Variants in CAP2 observed in about 807,000 individuals in gnomAD.
CAP2 encodes adenylyl cyclase-associated protein 2.
CAP2 carries 24 observed loss-of-function variants against 57.7 expected under a neutral mutation model. That is an observed-to-expected ratio of 0.42 (90% confidence interval 0.30 to 0.58). The LOEUF is 0.58. Ranked by LOEUF, CAP2 falls within the 20% of genes least tolerant of loss-of-function variation. The pLI, the probability that CAP2 is intolerant of heterozygous loss-of-function variation, is 0.22. For missense variants in CAP2, 501 were observed against 590.3 expected, an observed-to-expected ratio of 0.85 and a Z score of 1.57; for synonymous variants, 194 against 207.2, an observed-to-expected ratio of 0.94 and a Z score of 0.55.
chr6:17,465,783 T>C (rs1760848896), intron 4 of CAP2, among the ~76,000 whole-genome samples: 1 of 152,176 alleles, frequency 6.6e-6, no homozygotes, highest in Non-Finnish European at 1.5e-5. Context: ...GTGTAATTTA[T>C]ATAGCATTTT....
At chr6:17,472,669 G>A (rs1269841237) in intron 4 of CAP2, among the ~76,000 whole-genome samples, 1 of 152,150 alleles carries the variant, frequency 6.6e-6, no homozygotes, top group Admixed American at 6.5e-5. Context: ...GACGGCTACT[G>A]CCCGTGCTGG....
chr6:17,436,361 G>A (rs1294701080), intron 3 of CAP2, among the ~76,000 whole-genome samples: 2 of 152,118 alleles, frequency 1.3e-5, no homozygotes, highest in Admixed American at 1.3e-4. Context: ...TTGAACTCCT[G>A]ACTTCAAGTG....
At position 17,556,895 on chromosome 6, in the gene CAP2, G is replaced by GT. The variant is rs1354187751; in HGVS notation, c.*459dup. On this transcript the variant is annotated 3_prime_UTR_variant, in exon 13 of 13. Transcript: ENST00000229922. ...GTAGTGTGCCCTGAAAAATGTACACGTTTTTTCTTATTGTTACCACATGTT... is the reference window on the plus strand; with the variant it reads ...GTAGTGTGCCCTGAAAAATGTACACGTTTTTTTCTTATTGTTACCACATGTT... 1 of 159,362 alleles carries GT rather than the reference G, an allele frequency of 6.3e-6. No individual in the cohort carries two copies. The highest frequency in any genetic ancestry group is 1.8e-4 in the East Asian group (1 of 5,550). The allele number at this position is 159,362 out of a possible 1,614,324, so 9.9% of individuals were successfully genotyped here. A position where few individuals can be genotyped will look rare whatever the true frequency, so the allele number is the denominator to read the frequency against.
At chr6:17,440,174 C>T (rs1251439581) in intron 3 of CAP2, among the ~76,000 whole-genome samples, 1 of 151,630 alleles carries the variant, frequency 6.6e-6, no homozygotes, top group East Asian at 1.9e-4. Context: ...TCCATTGATT[C>T]AAGTCCACTT....
intron 3 of CAP2, among the ~76,000 whole-genome samples, chr6:17,440,418 A>T (rs570198856): frequency 6.6e-6 from 1 of 151,732 alleles, no homozygotes; most frequent in African/African-American, 2.4e-5. Flanking sequence ...TCAGTTGATT[A>T]TTCAGCACTT....
At chr6:17,454,980 A>G (rs59626094) in intron 3 of CAP2, among the ~76,000 whole-genome samples, 17,441 of 152,102 alleles carry the variant, frequency 0.11, 3,267 homozygotes, top group African/African-American at 0.39. Flanking sequence ...GTATGAGTGC[A>G]TGGTTTTGTT....
intron 3 of CAP2, among the ~76,000 whole-genome samples, chr6:17,432,689 C>T (rs1759767422): frequency 6.6e-6 from 1 of 151,660 alleles, no homozygotes; most frequent in Non-Finnish European, 1.5e-5. Context: ...ATTTAAAAGT[C>T]ATCTATTCCA....
chr6:17,535,384 C>T (rs1762750428), intron 7 of CAP2, among the ~76,000 whole-genome samples: 1 of 151,580 alleles, frequency 6.6e-6, no homozygotes, highest in Non-Finnish European at 1.5e-5. Context: ...AAGCGATTCT[C>T]CTGCCTCAGC....
chr6:17,538,278 C>T (rs961997872), intron 7 of CAP2, among the ~76,000 whole-genome samples: 4 of 150,554 alleles, frequency 2.7e-5, no homozygotes, highest in Non-Finnish European at 4.4e-5. Context: ...AGTGAGACCT[C>T]ATCTCTCAAA....
At chr6:17,423,191 C>T (rs999256292) in intron 2 of CAP2, among the ~76,000 whole-genome samples, 6 of 152,116 alleles carry the variant, frequency 3.9e-5, no homozygotes, top group Admixed American at 1.3e-4. Flanking sequence ...GAATTTCAGG[C>T]GAATTTGGAC....
chr6:17,519,567 G>A (rs1762346067), intron 7 of CAP2, among the ~76,000 whole-genome samples: 1 of 152,102 alleles, frequency 6.6e-6, no homozygotes, highest in Non-Finnish European at 1.5e-5. Flanking sequence ...ATATGAGTTT[G>A]TGTCATTTCC....
rs545149490 is a variant in CAP2, at chr6:17,470,108, C to G, written c.300+7035C>G. On this transcript the variant is annotated intron_variant, in intron 4 of 12. Transcript: ENST00000229922. ...GAATTTCACATTTTCTACTCATTAG[C>G]TCTGCTAATCCAAATGCGAGAAAAA... Among the ~76,000 whole-genome samples the G allele has an allele frequency of 3.9e-5, 6 of 152,240 alleles. No individual in the cohort carries two copies. In the South Asian group the frequency reaches 1.0e-3, roughly 26 times the overall value.
intron 4 of CAP2, among the ~76,000 whole-genome samples, chr6:17,482,827 A>G (rs993321420): frequency 2.6e-5 from 4 of 152,234 alleles, no homozygotes; most frequent in Admixed American, 2.6e-4. Context: ...TTTCCAAATA[A>G]GGTCACATTC....
chr6:17,541,350 T>A (rs940054341), intron 9 of CAP2, among the ~76,000 whole-genome samples: 27 of 152,016 alleles, frequency 1.8e-4, no homozygotes, highest in Non-Finnish European at 2.8e-4. Flanking sequence ...GGGTTTGAGG[T>A]GGGAGGATCA....
chr6:17,457,414 T>C (rs1229762628), intron 3 of CAP2, among the ~76,000 whole-genome samples: 1 of 152,224 alleles, frequency 6.6e-6, no homozygotes, highest in African/African-American at 2.4e-5. Context: ...AAATTGCTCC[T>C]AAATAGGATG....
At position 17,507,978 on chromosome 6, in the gene CAP2, A is replaced by G. The variant is rs144976688; in HGVS notation, c.530+252A>G. On this transcript the variant is annotated intron_variant, in intron 6 of 12. Coordinates refer to ENST00000229922, the MANE Select transcript of CAP2 (RefSeq NM_006366.3). The stretch of plus-strand genomic sequence containing the variant: ...GAATAAACTCTCCCCACTTGAATGC[A>G]TGTCACTATCTTATGTATTCCCACA... 3.7e-3 allele frequency among the ~76,000 whole-genome samples: 563 copies of G among 152,338 alleles called. 4 individuals are homozygous for G. The highest frequency in any genetic ancestry group is 7.8e-3 in the Admixed American group (120 of 15,298).
intron 12 of CAP2, among the ~76,000 whole-genome samples, chr6:17,554,617 A>G (rs1763250392): frequency 6.6e-6 from 1 of 152,242 alleles, no homozygotes; most frequent in African/African-American, 2.4e-5. Flanking sequence ...TGGATCCTAC[A>G]TCTAGGAAGA....
intron 10 of CAP2, 38 bp downstream of exon 10, chr6:17,542,998 T>A (rs758728011): frequency 6.2e-7 from 1 of 1,612,930 alleles, no homozygotes; most frequent in Non-Finnish European, 8.5e-7. Flanking sequence ...ATTATGATGT[T>A]TTATAAACAA....
At chr6:17,433,517 AG>A (rs1331312153) in intron 3 of CAP2, among the ~76,000 whole-genome samples, 4 of 152,198 alleles carry the variant, frequency 2.6e-5, no homozygotes, top group Admixed American at 6.5e-5. Context: ...GACCAGGCTT[AG>A]GCCCAGGGCA....
Sources: allele counts gnomAD v4.1 joint callset (sites outside exome capture counted in the v4.1 genomes callset), GRCh38; gene constraint gnomAD v4.1.1; transcripts MANE v1.5; gene names NCBI Gene and HGNC (gene_info 2026-07-23, HGNC 2026-07-21).